Variants in TOPAZ1 observed in about 807,000 individuals in gnomAD.
TOPAZ1 encodes testis and ovary specific TOPAZ 1.
A neutral mutation model predicts 172.2 loss-of-function variants in TOPAZ1; 66 were observed. That is an observed-to-expected ratio of 0.38 (90% CI 0.31 to 0.47). The LOEUF is 0.47. Ranked by LOEUF, TOPAZ1 falls within the 20% of genes least tolerant of loss-of-function variation. The pLI is 0.99. For missense variants in TOPAZ1, 1,822 were observed against 1,972.4 expected, an observed-to-expected ratio of 0.92 and a Z score of 1.44; for synonymous variants, 681 against 683.9, an observed-to-expected ratio of 1.00 and a Z score of 0.07.
At chr3:44,253,629 A>T (rs1254824248) in intron 2 of TOPAZ1, among the ~76,000 whole-genome samples, 1 of 152,198 alleles carries the variant, frequency 6.6e-6, no homozygotes, top group Non-Finnish European at 1.5e-5. Flanking sequence ...ATATTCTAGT[A>T]GATAGCTGGA....
intron 12 of TOPAZ1, 101 bp downstream of exon 12, chr3:44,290,987 A>G (rs1575723332): frequency 1.4e-6 from 1 of 704,778 alleles, no homozygotes; most frequent in East Asian, 3.0e-5. Flanking sequence ...ATGCCCAAAC[A>G]TTTAGATAGT....
intron 11 of TOPAZ1, among the ~76,000 whole-genome samples, chr3:44,289,565 G>A (rs1366552798): frequency 6.6e-6 from 1 of 152,058 alleles, no homozygotes; most frequent in Non-Finnish European, 1.5e-5. Flanking sequence ...ATTCAAAAGG[G>A]GCCGAGTACC....
rs1250505651 is a variant in TOPAZ1, at chr3:44,254,780, T to G, written c.2766-188T>G. Among the ~76,000 whole-genome samples, 3 of 152,140 alleles carry G rather than the reference T, an allele frequency of 2.0e-5. No homozygotes were observed. The East Asian group carries it at 5.8e-4, about 29-fold the overall frequency. ...CCCTAACAGTTGAGGCATATGTGAT[T>G]AAAGAACCAAACAAAAAATCCACTC... is the stretch of plus-strand genomic sequence containing the variant. On this transcript the variant is annotated intron_variant, in intron 2 of 19. Transcript: ENST00000309765.
intron 8 of TOPAZ1, among the ~76,000 whole-genome samples, chr3:44,272,342 T>C (rs1699907654): frequency 6.6e-6 from 1 of 152,234 alleles, no homozygotes; most frequent in South Asian, 2.1e-4. Context: ...ATAATGGCTA[T>C]ACTAATTTAC....
chr3:44,295,208 T>C (rs1042224531), intron 12 of TOPAZ1, among the ~76,000 whole-genome samples: 12 of 152,178 alleles, frequency 7.9e-5, no homozygotes, highest in African/African-American at 2.9e-4. Context: ...ATTCTACAAA[T>C]GTACCCTGAA....
intron 16 of TOPAZ1, among the ~76,000 whole-genome samples, chr3:44,312,695 A>T (rs143065835): frequency 6.2e-4 from 94 of 152,348 alleles, no homozygotes; most frequent in African/African-American, 2.2e-3. Context: ...CAAAACCAAC[A>T]TAAAAAAGTC....
At chr3:44,259,062 C>T (rs1391139577) in intron 4 of TOPAZ1, among the ~76,000 whole-genome samples, 1 of 152,142 alleles carries the variant, frequency 6.6e-6, no homozygotes, top group Non-Finnish European at 1.5e-5. Flanking sequence ...TAGGCTTTCT[C>T]CCATATTCCT....
At chr3:44,264,479 C>G (rs773600730) in intron 5 of TOPAZ1, among the ~76,000 whole-genome samples, 8 of 152,208 alleles carry the variant, frequency 5.3e-5, no homozygotes, top group Non-Finnish European at 1.0e-4. Context: ...TTTACATCAT[C>G]TGAGCCTTCA....
At chr3:44,285,664 G>A (rs1700070543) in intron 9 of TOPAZ1, among the ~76,000 whole-genome samples, 2 of 151,704 alleles carry the variant, frequency 1.3e-5, no homozygotes, top group South Asian at 4.2e-4. Flanking sequence ...CCGCCTCCTG[G>A]GTTCAAGCGA....
At chr3:44,335,837 G>A (rs1249303231), downstream of TOPAZ1, among the ~76,000 whole-genome samples, 1 of 152,098 alleles carries the variant, frequency 6.6e-6, no homozygotes, top group Non-Finnish European at 1.5e-5. Flanking sequence ...GTTCCCTTGA[G>A]GGCTTCATAT....
At chr3:44,319,948 G>A (rs1700491106) in intron 16 of TOPAZ1, among the ~76,000 whole-genome samples, 1 of 152,170 alleles carries the variant, frequency 6.6e-6, no homozygotes, top group African/African-American at 2.4e-5. Flanking sequence ...ACCAAAATAT[G>A]ATTTGAATGT....
chr3:44,307,630 T>C (rs779279391), intron 15 of TOPAZ1, among the ~76,000 whole-genome samples: 5 of 152,176 alleles, frequency 3.3e-5, no homozygotes, highest in Non-Finnish European at 5.9e-5. Context: ...GTGGTCACTA[T>C]TGAATTAACT....
chr3:44,256,151 A>T lies in TOPAZ1; in HGVS notation c.2828A>T (p.Glu943Val). ...KPDICASNSAESEIKRDPKDV... is the reference protein window; with the variant it reads ...KPDICASNSAVSEIKRDPKDV... ...ATAGTTGAATATTATTTCTTTTCAG[A>T]AAGTGAAATAAAACGTGATCCCAAA... Residue 943 changes from glutamate (E) to valine (V), a missense_variant and splice_region_variant, in exon 4 of 20, where the codon GAA becomes GTA. Transcript: ENST00000309765. 6.7e-7 allele frequency: 1 copy of T among 1,499,806 alleles called. No homozygotes were observed. The highest frequency in any genetic ancestry group is 1.3e-5 in the South Asian group (1 of 75,284). The allele number at this position is 1,499,806 out of a possible 1,614,324, so 92.9% of individuals were successfully genotyped here. A position where few individuals can be genotyped will look rare whatever the true frequency, so the allele number is the denominator to read the frequency against.
intron 16 of TOPAZ1, among the ~76,000 whole-genome samples, chr3:44,312,010 G>GGTATTACAT (rs1700402175): frequency 6.6e-6 from 1 of 151,718 alleles, no homozygotes; most frequent in Non-Finnish European, 1.5e-5. Flanking sequence ...CCATTTCTAA[G>GGTATTACAT]AATTTGTACT....
chr3:44,269,901 G>A (rs1207725169), intron 7 of TOPAZ1, among the ~76,000 whole-genome samples: 1 of 152,110 alleles, frequency 6.6e-6, no homozygotes, highest in Non-Finnish European at 1.5e-5. Flanking sequence ...AAGGATTACG[G>A]GCGTGAGCCA....
chr3:44,245,230 C>T lies in TOPAZ1; in HGVS notation c.2724C>T (p.Tyr908=), dbSNP rs1472390490. 1.9e-6 allele frequency: 3 copies of T among 1,543,670 alleles called. No individual in the cohort carries two copies. The highest frequency in any genetic ancestry group is 2.4e-5 in the East Asian group (1 of 40,826). The part of the protein sequence containing the change: ...AGEHQSTDSK[Y]METPVKKEPS... ...AGCACCAATCAACAGACTCCAAGTA[C>T]ATGGAAACTCCAGTAAAAAAAGAAC... The change falls in exon 2 of 20, where the codon TAC becomes TAT. Residue 908 remains tyrosine (Y), a synonymous_variant. Coordinates refer to ENST00000309765, the MANE Select transcript of TOPAZ1 (RefSeq NM_001145030.2).
At chr3:44,289,959 C>T (rs1444116487) in intron 11 of TOPAZ1, among the ~76,000 whole-genome samples, 6 of 152,062 alleles carry the variant, frequency 3.9e-5, no homozygotes, top group Non-Finnish European at 7.4e-5. Context: ...TTTCAAACAC[C>T]ACTCAGTTGA....
intron 19 of TOPAZ1, among the ~76,000 whole-genome samples, chr3:44,331,486 C>A (rs1362596390): frequency 6.6e-6 from 1 of 152,102 alleles, no homozygotes; most frequent in Non-Finnish European, 1.5e-5. Flanking sequence ...TCACCATACC[C>A]AGCTAGTTTT....
intron 4 of TOPAZ1, among the ~76,000 whole-genome samples, chr3:44,257,409 C>G (rs1013949544): frequency 0.03 from 2,164 of 72,928 alleles, 22 homozygotes; most frequent in Non-Finnish European, 0.034. Context: ...GTGTGTGTGT[C>G]TATTTTATAT....
Sources: allele counts gnomAD v4.1 joint callset (sites outside exome capture counted in the v4.1 genomes callset), GRCh38; gene constraint gnomAD v4.1.1; transcripts MANE v1.5; gene names NCBI Gene and HGNC (gene_info 2026-07-23, HGNC 2026-07-21).